EYA2: variants seen among roughly 807,000 people sequenced by gnomAD.
EYA2 encodes the protein EYA transcriptional coactivator and phosphatase 2, also known as protein phosphatase EYA2.
Under a neutral mutation model 69.2 loss-of-function variants are expected in EYA2, and 31 were observed. The observed-to-expected ratio is 0.45, with a 90% CI of 0.34 to 0.60. The LOEUF (loss-of-function observed/expected upper bound fraction) is 0.60, where lower values mean the gene tolerates loss of function less well. Ranked by LOEUF, EYA2 falls within the 20% of genes least tolerant of loss-of-function variation. The probability of loss-of-function intolerance (pLI) is 0.02; values close to 1 mark genes in which losing one functional copy is unlikely to be tolerated. For synonymous variants in EYA2, 257 were observed against 279.4 expected (o/e 0.92, Z 0.80); for missense variants, 622 against 701.2 (o/e 0.89, Z 1.28).
rs1346362355 is a variant in EYA2, at chr20:46,962,175, C to T, written c.-10-27826C>T. ...TCCTGAGTAGCTGGGACTATAGGCACATGCCACCACACCTGGCTAATTTTT... is the reference window on the plus strand; with the variant it reads ...TCCTGAGTAGCTGGGACTATAGGCATATGCCACCACACCTGGCTAATTTTT... On this transcript the variant is annotated intron_variant, in intron 1 of 15. Coordinates refer to ENST00000327619, the MANE Select transcript of EYA2 (RefSeq NM_005244.5). 2.0e-5 allele frequency among the ~76,000 whole-genome samples: 3 copies of T among 152,188 alleles called. No homozygotes were observed. The East Asian group carries it at 5.8e-4, about 29-fold the overall frequency.
intron 4 of EYA2, among the ~76,000 whole-genome samples, chr20:47,013,489 A>G (rs888165837): frequency 6.6e-6 from 1 of 152,240 alleles, no homozygotes; most frequent in Admixed American, 6.5e-5. Flanking sequence ...TCCAACCAAG[A>G]CAAACACTCT....
chr20:47,022,569 C>G (rs916072143), intron 5 of EYA2, among the ~76,000 whole-genome samples: 1 of 152,110 alleles, frequency 6.6e-6, no homozygotes, highest in African/African-American at 2.4e-5. Flanking sequence ...CCACCTCAGC[C>G]CCCCAGAGTG....
chr20:47,088,051 A>G (rs1254732769), intron 7 of EYA2, among the ~76,000 whole-genome samples: 2 of 152,188 alleles, frequency 1.3e-5, no homozygotes, highest in Admixed American at 6.5e-5. Flanking sequence ...ACAGGGTGAA[A>G]CCTCGTCTCC....
chr20:47,085,689 C>T (rs1284669179), intron 7 of EYA2, among the ~76,000 whole-genome samples: 1 of 151,862 alleles, frequency 6.6e-6, no homozygotes, highest in Non-Finnish European at 1.5e-5. Flanking sequence ...ATAAACACCG[C>T]ATGTACTGAA....
At chr20:46,895,968 C>T (rs1983790860) in intron 1 of EYA2, among the ~76,000 whole-genome samples, 1 of 152,168 alleles carries the variant, frequency 6.6e-6, no homozygotes, top group African/African-American at 2.4e-5. Context: ...AAAGCAAGAC[C>T]GATGCTGCGT....
At chr20:47,174,407 T>C (rs562592947) in intron 12 of EYA2, among the ~76,000 whole-genome samples, 30 of 152,300 alleles carry the variant, frequency 2.0e-4, no homozygotes, top group Non-Finnish European at 3.7e-4. Flanking sequence ...ATTGAGAGAT[T>C]TATTGTTAGT....
chr20:47,109,152 C>G (rs951190311), intron 9 of EYA2, among the ~76,000 whole-genome samples: 3 of 152,134 alleles, frequency 2.0e-5, no homozygotes, highest in Non-Finnish European at 4.4e-5. Context: ...CCAGGGTCTC[C>G]CCCTGAAGAG....
At position 47,052,944 on chromosome 20, in the gene EYA2, C is replaced by A. The variant is rs2030416975; in HGVS notation, c.416-19241C>A. Among the ~76,000 whole-genome samples the A allele has an allele frequency of 4.6e-5, 7 of 152,174 alleles. No individual in the cohort carries two copies. The South Asian group carries it at 1.5e-3, about 32-fold the overall frequency. On this transcript the variant is annotated intron_variant, in intron 5 of 15. Transcript: ENST00000327619. ...TATAAGACTGAGACATGAAATATTT[C>A]CAGCCACCATCTGGGTAGGACCTGG... is the stretch of plus-strand genomic sequence containing the variant.
intron 1 of EYA2, among the ~76,000 whole-genome samples, chr20:46,972,268 G>A (rs1297036582): frequency 6.6e-6 from 1 of 152,160 alleles, no homozygotes; most frequent in Non-Finnish European, 1.5e-5. Flanking sequence ...ACTTCCAGAA[G>A]GTGCGATTAG....
At chr20:47,161,574 T>A in intron 10 of EYA2, 1 of 336,008 alleles carries the variant, frequency 3.0e-6, no homozygotes, top group Non-Finnish European at 5.8e-6. Flanking sequence ...CTTGCCTCTG[T>A]GAGCTCCTCG....
chr20:46,961,062 C>T (rs898228547), intron 1 of EYA2, among the ~76,000 whole-genome samples: 5 of 152,214 alleles, frequency 3.3e-5, no homozygotes, highest in African/African-American at 1.2e-4. Context: ...AGGCCGAGCA[C>T]AGTGGCTCAT....
chr20:46,896,328 A>G (rs1284883901), intron 1 of EYA2, among the ~76,000 whole-genome samples: 1 of 152,194 alleles, frequency 6.6e-6, no homozygotes, highest in East Asian at 1.9e-4. Flanking sequence ...CATAATAGAT[A>G]CAGAACTAGT....
At chr20:47,153,816 C>A (rs2033870052) in intron 10 of EYA2, among the ~76,000 whole-genome samples, 1 of 151,952 alleles carries the variant, frequency 6.6e-6, no homozygotes, top group African/African-American at 2.4e-5. Flanking sequence ...GATCAGAGGA[C>A]CTAAGTTCCA....
chr20:47,135,151 AG>A (rs2033433027), intron 9 of EYA2, among the ~76,000 whole-genome samples: 1 of 148,798 alleles, frequency 6.7e-6, no homozygotes, highest in Non-Finnish European at 1.5e-5. Context: ...AAAAAAAAAC[AG>A]ACAACAGGCC....
intron 1 of EYA2, chr20:46,979,424 A>G (rs902127517): frequency 6.6e-6 from 1 of 152,264 alleles, no homozygotes; most frequent in African/African-American, 2.4e-5. Flanking sequence ...TGTCTTCTGA[A>G]GTAGCCAGGC....
intron 10 of EYA2, among the ~76,000 whole-genome samples, chr20:47,159,523 C>A (rs186309984): frequency 4.3e-4 from 65 of 152,108 alleles, no homozygotes; most frequent in African/African-American, 1.5e-3. Flanking sequence ...AAGAACAGTA[C>A]AGGGAAAGCC....
chr20:47,148,235 T>A (rs565638596), intron 10 of EYA2, among the ~76,000 whole-genome samples: 74 of 152,174 alleles, frequency 4.9e-4, no homozygotes, highest in Admixed American at 2.3e-3. Flanking sequence ...AGTCTCTCCA[T>A]CCCTCTGAGC....
chr20:46,914,784 T>C (rs1011000770), intron 1 of EYA2, among the ~76,000 whole-genome samples: 1 of 152,134 alleles, frequency 6.6e-6, no homozygotes, highest in East Asian at 1.9e-4. Context: ...AGTTCCTCTC[T>C]CAGATTCAAG....
intron 1 of EYA2, among the ~76,000 whole-genome samples, chr20:46,955,451 G>C (rs914400880): frequency 6.6e-6 from 1 of 152,166 alleles, no homozygotes; most frequent in Non-Finnish European, 1.5e-5. Flanking sequence ...TTGGGGTTCA[G>C]GTTTCTTGTG....
Sources: allele counts gnomAD v4.1 joint callset (sites outside exome capture counted in the v4.1 genomes callset), GRCh38; gene constraint gnomAD v4.1.1; transcripts MANE v1.5; gene names NCBI Gene and HGNC (gene_info 2026-07-23, HGNC 2026-07-21).